AFF3: variants seen among roughly 807,000 people sequenced by gnomAD.
AFF3 encodes the protein AF4/FMR2 family member 3.
A neutral mutation model predicts 129.7 loss-of-function variants in AFF3; 32 were observed. That is an observed-to-expected ratio of 0.25 (90% CI 0.19 to 0.33). The LOEUF is 0.33. AFF3 is among the 10% of genes least tolerant of loss of function. AFF3 has a pLI of 1.00. For synonymous variants in AFF3, 644 were observed against 635.4 expected (o/e 1.01, Z -0.20); for missense variants, 1,373 against 1,592.0 (o/e 0.86, Z 2.34).
At chr2:99,865,137 G>A (rs1204698603) in intron 7 of AFF3, among the ~76,000 whole-genome samples, 4 of 152,182 alleles carry the variant, frequency 2.6e-5, no homozygotes, top group South Asian at 2.1e-4. Flanking sequence ...AGCAACGGTC[G>A]GGTGAGATGC....
At chr2:99,566,981 T>C (rs1407900242) in intron 19 of AFF3, among the ~76,000 whole-genome samples, 1 of 151,712 alleles carries the variant, frequency 6.6e-6, no homozygotes, top group Non-Finnish European at 1.5e-5. Context: ...TTTTTTTTTT[T>C]TTTGGAGACA....
chr2:99,900,655 C>T (rs1694281089), intron 7 of AFF3, among the ~76,000 whole-genome samples: 1 of 152,146 alleles, frequency 6.6e-6, no homozygotes, highest in Non-Finnish European at 1.5e-5. Flanking sequence ...CACAGTGGGC[C>T]CTGGATACAA....
At chr2:100,079,553 T>C (rs1048135817) in intron 4 of AFF3, among the ~76,000 whole-genome samples, 1 of 152,200 alleles carries the variant, frequency 6.6e-6, no homozygotes, top group African/African-American at 2.4e-5. Context: ...TCAACTGGTA[T>C]ACACAGTTCC....
chr2:99,631,034 T>A (rs1683071326), intron 13 of AFF3: 1 of 457,528 alleles, frequency 2.2e-6, no homozygotes, highest in Non-Finnish European at 4.5e-6. Flanking sequence ...AGGGAAACAC[T>A]GTGAGCTGCT....
At chr2:99,568,413 T>C (rs887695275) in intron 19 of AFF3, among the ~76,000 whole-genome samples, 1 of 152,230 alleles carries the variant, frequency 6.6e-6, no homozygotes, top group Non-Finnish European at 1.5e-5. Context: ...ATAGTTTCTG[T>C]GTTGTACAGT....
chr2:99,792,741 T>C (rs1413754933), intron 8 of AFF3, among the ~76,000 whole-genome samples: 1 of 152,234 alleles, frequency 6.6e-6, no homozygotes, highest in Non-Finnish European at 1.5e-5. Context: ...AATTTTATCC[T>C]TTATTCTGCT....
In AFF3 at chr2:99,697,062, G is replaced by A. The variant is rs566812192; in HGVS notation, c.1092-24473C>T. 6.6e-5 allele frequency among the ~76,000 whole-genome samples: 10 copies of A among 152,222 alleles called. No homozygotes were observed. The South Asian group carries it at 1.2e-3, about 19-fold the overall frequency. ...GTGAGGCCCTTGTCATACCCTGAACGTTTTGAAGGCATCAAGTCTCTTAAT... is the reference window on the plus strand; with the variant it reads ...GTGAGGCCCTTGTCATACCCTGAACATTTTGAAGGCATCAAGTCTCTTAAT... On this transcript the variant is annotated intron_variant, in intron 11 of 24. Transcript: ENST00000672756.
At chr2:99,905,814 T>C (rs1375238373) in intron 7 of AFF3, among the ~76,000 whole-genome samples, 1 of 152,170 alleles carries the variant, frequency 6.6e-6, no homozygotes, top group Non-Finnish European at 1.5e-5. Flanking sequence ...TTGGTACTCA[T>C]ACCAGCAGCA....
intron 4 of AFF3, among the ~76,000 whole-genome samples, chr2:100,079,189 G>A (rs1460435570): frequency 8.6e-5 from 13 of 151,788 alleles, no homozygotes; most frequent in African/African-American, 2.4e-4. Flanking sequence ...CTCGTGATTC[G>A]CCTGCCTCAG....
chr2:99,627,408 A>G (rs1357994288), intron 13 of AFF3, among the ~76,000 whole-genome samples: 1 of 151,870 alleles, frequency 6.6e-6, no homozygotes, highest in Non-Finnish European at 1.5e-5. Context: ...TCCTTTGCCT[A>G]CTTTTTAATA....
intron 8 of AFF3, among the ~76,000 whole-genome samples, chr2:99,800,071 A>G (rs1685825215): frequency 1.3e-5 from 2 of 152,202 alleles, no homozygotes; most frequent in Admixed American, 6.6e-5. Context: ...TAAAAAATGT[A>G]AAACAGAACT....
At chr2:99,707,710 T>C (rs776775843) in intron 11 of AFF3, 45 of 960,792 alleles carry the variant, frequency 4.7e-5, no homozygotes, top group Non-Finnish European at 5.4e-5. Context: ...TTTTTTTTTT[T>C]TTTCTTTTTT....
intron 7 of AFF3, among the ~76,000 whole-genome samples, chr2:99,909,692 C>T (rs992585905): frequency 1.3e-5 from 2 of 151,956 alleles, no homozygotes; most frequent in African/African-American, 4.8e-5. Flanking sequence ...TAGGCCATGT[C>T]AGCTGCACAG....
At chr2:99,560,687 A>C (rs543661126) in intron 20 of AFF3, among the ~76,000 whole-genome samples, 1 of 152,316 alleles carries the variant, frequency 6.6e-6, no homozygotes, top group African/African-American at 2.4e-5. Flanking sequence ...CAAATGCTAC[A>C]GATTGTCGGG....
intron 15 of AFF3, 126 bp from the exon 16 acceptor site, chr2:99,587,404 G>T: frequency 9.0e-7 from 1 of 1,115,516 alleles, no homozygotes; most frequent in Non-Finnish European, 1.3e-6. Context: ...CCGAAGCACA[G>T]CCTGAGCAGC....
intron 7 of AFF3, among the ~76,000 whole-genome samples, chr2:100,001,705 CG>C (rs1559046500): frequency 7.3e-6 from 1 of 137,582 alleles, no homozygotes; most frequent in African/African-American, 3.3e-5. Context: ...GGATTACAGG[CG>C]TTAAGCCACT....
At position 99,606,764 on chromosome 2, in the gene AFF3, G is replaced by A. The variant is rs111555046; in HGVS notation, c.1185-5143C>T. Among the ~76,000 whole-genome samples the A allele has an allele frequency of 6.2e-3, 942 of 151,536 alleles. 7 individuals carry two copies. The highest frequency in any genetic ancestry group is 0.021 in the African/African-American group (869 of 41,300). On this transcript the variant is annotated intron_variant, in intron 13 of 24. Transcript: ENST00000672756. ...CCCGTCTCTACTAAAAATACAAAAAGTTAGCCAGACATGGTGGCAGGCACC... is the reference window on the plus strand; with the variant it reads ...CCCGTCTCTACTAAAAATACAAAAAATTAGCCAGACATGGTGGCAGGCACC...
intron 4 of AFF3, among the ~76,000 whole-genome samples, chr2:100,058,277 C>T (rs1008623994): frequency 1.1e-4 from 16 of 152,208 alleles, no homozygotes; most frequent in African/African-American, 3.6e-4. Context: ...AGGTACAGCA[C>T]TTACCACGGG....
chr2:99,999,303 T>G (rs1296646221), intron 7 of AFF3, among the ~76,000 whole-genome samples: 1 of 152,234 alleles, frequency 6.6e-6, no homozygotes, highest in Non-Finnish European at 1.5e-5. Context: ...GGCTCCTCTC[T>G]TCCCATAAAG....
Sources: allele counts gnomAD v4.1 joint callset (sites outside exome capture counted in the v4.1 genomes callset), GRCh38; gene constraint gnomAD v4.1.1; transcripts MANE v1.5; gene names NCBI Gene and HGNC (gene_info 2026-07-23, HGNC 2026-07-21).